Variants in PCDH9 observed in about 807,000 individuals in gnomAD.
PCDH9 encodes protocadherin-9.
A neutral mutation model predicts 70.6 loss-of-function variants in PCDH9; 24 were observed. The observed-to-expected ratio is 0.34, with a 90% CI of 0.25 to 0.48. The LOEUF (loss-of-function observed/expected upper bound fraction) is 0.48, where lower values mean the gene tolerates loss of function less well. PCDH9 is among the 20% of genes least tolerant of loss of function. The probability of loss-of-function intolerance (pLI) is 0.99; values close to 1 mark genes in which losing one functional copy is unlikely to be tolerated. For synonymous variants in PCDH9, 562 were observed against 558.5 expected, an observed-to-expected ratio of 1.01 and a Z score of -0.09; for missense variants, 1,281 against 1,503.6, an observed-to-expected ratio of 0.85 and a Z score of 2.45.
At chr13:66,815,488 A>G (rs1393239804) in intron 3 of PCDH9, among the ~76,000 whole-genome samples, 3 of 152,214 alleles carry the variant, frequency 2.0e-5, no homozygotes, top group Non-Finnish European at 4.4e-5. Flanking sequence ...TCATTGCAGA[A>G]CTATTCACAA....
At chr13:66,691,658 A>C (rs2181535) in intron 3 of PCDH9, among the ~76,000 whole-genome samples, 43,414 of 152,032 alleles carry the variant, frequency 0.29, 7,705 homozygotes, top group East Asian at 0.51. Flanking sequence ...AAATAAACTT[A>C]ATCATTATAA....
At chr13:67,133,778 T>G (rs556418708) in intron 2 of PCDH9, among the ~76,000 whole-genome samples, 1 of 152,208 alleles carries the variant, frequency 6.6e-6, no homozygotes, top group Middle Eastern at 3.4e-3. Context: ...AAAATCTTAA[T>G]AGTTAAGGTT....
At chr13:66,713,314 C>A (rs1208153375) in intron 3 of PCDH9, among the ~76,000 whole-genome samples, 2 of 151,794 alleles carry the variant, frequency 1.3e-5, no homozygotes, top group Non-Finnish European at 2.9e-5. Flanking sequence ...CATATCACTG[C>A]CATATTATTT....
At chr13:67,168,448 C>T (rs1410490363) in intron 2 of PCDH9, among the ~76,000 whole-genome samples, 2 of 152,080 alleles carry the variant, frequency 1.3e-5, no homozygotes, top group Non-Finnish European at 2.9e-5. Context: ...AAAGGTCAAG[C>T]CACGCACAGT....
At chr13:67,174,165 C>T (rs1009924851) in intron 2 of PCDH9, among the ~76,000 whole-genome samples, 2 of 152,106 alleles carry the variant, frequency 1.3e-5, no homozygotes, top group Non-Finnish European at 2.9e-5. Flanking sequence ...AGTACCCCTA[C>T]ATTCCACATA....
At chr13:66,651,945 T>G (rs1477871937) in intron 3 of PCDH9, among the ~76,000 whole-genome samples, 2 of 152,074 alleles carry the variant, frequency 1.3e-5, no homozygotes, top group Non-Finnish European at 2.9e-5. Context: ...AAAAAGCTTT[T>G]GATAAAGTTC....
chr13:66,754,659 T>C (rs1019264666), intron 3 of PCDH9, among the ~76,000 whole-genome samples: 1 of 151,986 alleles, frequency 6.6e-6, no homozygotes, highest in Non-Finnish European at 1.5e-5. Flanking sequence ...TTCATAACAA[T>C]GTAGTAAATA....
intron 4 of PCDH9, among the ~76,000 whole-genome samples, chr13:66,399,907 G>C (rs1377060608): frequency 6.6e-6 from 1 of 152,090 alleles, no homozygotes; most frequent in Non-Finnish European, 1.5e-5. Context: ...GTGGGAAAAA[G>C]TGAGAATCAG....
At chr13:66,373,388 T>G (rs913358861) in intron 4 of PCDH9, among the ~76,000 whole-genome samples, 1 of 152,000 alleles carries the variant, frequency 6.6e-6, no homozygotes, top group Non-Finnish European at 1.5e-5. Flanking sequence ...AGTTTCAATT[T>G]TGCAAGCTGA....
chr13:66,710,800 C>G (rs2078782023), intron 3 of PCDH9, among the ~76,000 whole-genome samples: 2 of 151,912 alleles, frequency 1.3e-5, no homozygotes, highest in African/African-American at 4.8e-5. Flanking sequence ...TATTCATTGG[C>G]TCATGAGTCT....
intron 4 of PCDH9, among the ~76,000 whole-genome samples, chr13:66,410,480 A>C (rs76450684): frequency 0.021 from 3,174 of 152,308 alleles, 134 homozygotes; most frequent in African/African-American, 0.073. Flanking sequence ...GATTAATTTG[A>C]ATAGTTATCA....
At chr13:66,617,048 T>C (rs1248093774) in intron 4 of PCDH9, among the ~76,000 whole-genome samples, 1 of 152,152 alleles carries the variant, frequency 6.6e-6, no homozygotes, top group African/African-American at 2.4e-5. Flanking sequence ...TCCTGTTTCA[T>C]GGATAAAGGC....
At chr13:66,580,080 C>T (rs1043047625) in intron 4 of PCDH9, among the ~76,000 whole-genome samples, 1 of 151,874 alleles carries the variant, frequency 6.6e-6, no homozygotes, top group Non-Finnish European at 1.5e-5. Context: ...ATTATAGATT[C>T]AAGTCTAATA....
At chr13:67,112,732 T>C (rs2086682246) in intron 2 of PCDH9, among the ~76,000 whole-genome samples, 1 of 149,498 alleles carries the variant, frequency 6.7e-6, no homozygotes, top group Non-Finnish European at 1.5e-5. Flanking sequence ...CCTTCTTTCC[T>C]TTCTTGACAG....
chr13:66,373,778 G>C (rs749060223), intron 4 of PCDH9, among the ~76,000 whole-genome samples: 5 of 152,030 alleles, frequency 3.3e-5, no homozygotes, highest in South Asian at 2.1e-4. Context: ...TCAAACAAAG[G>C]TTTTCATAGT....
intron 2 of PCDH9, among the ~76,000 whole-genome samples, chr13:67,060,652 G>T (rs186984322): frequency 1.3e-5 from 2 of 151,926 alleles, no homozygotes; most frequent in East Asian, 3.9e-4. Context: ...TTTTAAATCA[G>T]CTTTTTAGCT....
chr13:66,871,829 A>ACC (rs548052420), intron 3 of PCDH9, among the ~76,000 whole-genome samples: 1 of 148,626 alleles, frequency 6.7e-6, no homozygotes, highest in Admixed American at 6.8e-5. Context: ...TTTCATTACC[A>ACC]CCCCCCCCTC....
chr13:67,105,110 G>A (rs1389071698), intron 2 of PCDH9, among the ~76,000 whole-genome samples: 1 of 151,896 alleles, frequency 6.6e-6, no homozygotes, highest in East Asian at 1.9e-4. Flanking sequence ...TGGAGTTTCT[G>A]TTTCATTTAT....
chr13:66,427,751 C>T (rs1018232659), intron 4 of PCDH9, among the ~76,000 whole-genome samples: 2 of 151,568 alleles, frequency 1.3e-5, no homozygotes, highest in Non-Finnish European at 3.0e-5. Context: ...AGTATTGCAT[C>T]AATTTGAGTT....
Sources: allele counts gnomAD v4.1 joint callset (sites outside exome capture counted in the v4.1 genomes callset), GRCh38; gene constraint gnomAD v4.1.1; transcripts MANE v1.5; gene names NCBI Gene and HGNC (gene_info 2026-07-23, HGNC 2026-07-21).